Variants in BRCA2 observed in about 807,000 individuals in gnomAD.
BRCA2 encodes the protein breast cancer type 2 susceptibility protein.
A neutral mutation model predicts 276.7 loss-of-function variants in BRCA2; 203 were observed. The observed-to-expected ratio is 0.73, with a 90% CI of 0.65 to 0.82. The LOEUF (loss-of-function observed/expected upper bound fraction) is 0.82. Among genes scored for constraint, BRCA2 ranks in the 40% least tolerant of loss-of-function variants. BRCA2 has a pLI of 0.00. For synonymous variants in BRCA2, 1,289 were observed against 1,338.4 expected (o/e 0.96, Z 0.81); for missense variants, 3,920 against 3,915.0 (o/e 1.00, Z -0.03).
At chr13:32,328,079 C>G (rs1179728403) in intron 7 of BRCA2, among the ~76,000 whole-genome samples, 3 of 151,874 alleles carry the variant, frequency 2.0e-5, no homozygotes, top group Non-Finnish European at 2.9e-5. Context: ...AATAAACATA[C>G]AAGTTTAAAG....
chr13:32,346,951 T>A, intron 13 of BRCA2, 55 bp downstream of exon 13: 1 of 1,358,566 alleles, frequency 7.4e-7, no homozygotes, highest in Non-Finnish European at 1.0e-6. Context: ...AAAGTCTCGT[T>A]TTTATAAATG....
At position 32,333,076 on chromosome 13, in the gene BRCA2, C is replaced by T. The variant is rs781763239; in HGVS notation, c.1598C>T (p.Thr533Ile). The T allele has an allele frequency of 2.5e-6, 4 of 1,611,584 alleles. No individual in the cohort carries two copies. In the Admixed American group the frequency reaches 5.0e-5, roughly 20 times the overall value. ...HMTDPNFKKE[T>I]EASESGLEIH... ...ACTGATCCAAACTTTAAAAAAGAAA[C>T]TGAAGCCTCTGAAAGTGGACTGGAA... is the stretch of plus-strand genomic sequence containing the variant. Residue 533 changes from threonine to isoleucine, a missense_variant, in exon 10 of 27, where the codon ACT becomes ATT. Physicochemically the swap from Thr to Ile is moderately conservative, Grantham distance 89. Coordinates refer to ENST00000380152, the MANE Select transcript of BRCA2 (RefSeq NM_000059.4).
chr13:32,323,207 C>T (rs1343066565), intron 3 of BRCA2, among the ~76,000 whole-genome samples: 4 of 147,426 alleles, frequency 2.7e-5, no homozygotes, highest in Non-Finnish European at 4.4e-5. Context: ...GGCTGGAGTG[C>T]AGTGGCGTGA....
chr13:32,387,593 G>A (rs1420450321), intron 24 of BRCA2, among the ~76,000 whole-genome samples: 1 of 152,138 alleles, frequency 6.6e-6, no homozygotes, highest in African/African-American at 2.4e-5. Flanking sequence ...TGGATATTAC[G>A]CAGGCCTGCC....
rs1060502415 is a variant in BRCA2 at position 32,363,514 on chromosome 13, C to T, written c.8312C>T (p.Pro2771Leu). The change falls in exon 18 of 27, where the codon CCA (proline) becomes CTA (leucine). Residue 2771 changes from proline (P) to leucine (L), a missense_variant. Transcript: ENST00000380152. Reference protein sequence around the residue: ...SPDACTPLEAPESLMLKISAN... With the variant: ...SPDACTPLEALESLMLKISAN... ...GATGCCTGTACACCTCTTGAAGCCC[C>T]AGAATCTCTTATGTTAAAGGTAAAT... 1 of 1,613,494 alleles carries T rather than the reference C, an allele frequency of 6.2e-7. No individual in the cohort carries two copies. Among genetic ancestry groups the T allele is most frequent in the African/African-American group, 1.3e-5 (1 of 74,900 alleles).
At chr13:32,329,620 A>C (rs2072374546) in intron 8 of BRCA2, 128 bp downstream of exon 8, 1 of 773,114 alleles carries the variant, frequency 1.3e-6, no homozygotes, top group African/African-American at 1.8e-5. Context: ...GAAAGTCTCT[A>C]AACCTGGTCC....
chr13:32,327,687 A>AT (rs1342613726), intron 7 of BRCA2, among the ~76,000 whole-genome samples: 4 of 151,570 alleles, frequency 2.6e-5, no homozygotes, highest in Non-Finnish European at 4.4e-5. Context: ...AAAAAAAAAA[A>AT]TCCTGTTATA....
intron 13 of BRCA2, among the ~76,000 whole-genome samples, chr13:32,348,080 T>C (rs1261814209): frequency 6.6e-6 from 1 of 152,002 alleles, no homozygotes; most frequent in Admixed American, 6.6e-5. Context: ...AACAAGTTGC[T>C]ATAAAAAGCT....
In BRCA2 at chr13:32,380,686, A is replaced by C. The variant is rs11571770; in HGVS notation, c.9256+541A>C. Among the ~76,000 whole-genome samples, 1,093 of 151,536 alleles carry C rather than the reference A, an allele frequency of 7.2e-3. 16 individuals carry two copies. Among genetic ancestry groups the C allele is most frequent in the African/African-American group, 0.025 (1,037 of 41,288 alleles). ...CTCCCGAGTAGCTGGGACTACATAT[A>C]CCCGCCACCGAGCCTGGCCAATTTT... On this transcript the variant is annotated intron_variant, in intron 24 of 26. Coordinates refer to ENST00000380152, the MANE Select transcript of BRCA2 (RefSeq NM_000059.4).
rs756522027 is a variant in BRCA2, at chr13:32,380,039, G to A, written c.9150G>A (p.Gln3050=). The A allele has an allele frequency of 2.5e-6, 4 of 1,614,032 alleles. No homozygotes were observed. The South Asian group carries it at 4.4e-5, about 18-fold the overall frequency. ...ATGAAATTTTATTTCAGATTTACCA[G>A]CCACGGGAGCCCCTTCACTTCAGCA... ...VSDEILFQIY[Q]PREPLHFSKF... is the part of the protein sequence containing the mutation. The change falls in exon 24 of 27, where the codon CAG becomes CAA. Residue 3050 remains glutamine, a synonymous_variant. Transcript: ENST00000380152.
intron 13 of BRCA2, among the ~76,000 whole-genome samples, chr13:32,347,272 C>G (rs1425575889): frequency 6.6e-6 from 1 of 151,638 alleles, no homozygotes; most frequent in Admixed American, 6.6e-5. Flanking sequence ...GTATAATTCC[C>G]AAGGACAATG....
intron 18 of BRCA2, among the ~76,000 whole-genome samples, chr13:32,365,265 G>C (rs1267601487): frequency 6.6e-6 from 1 of 151,724 alleles, no homozygotes; most frequent in Non-Finnish European, 1.5e-5. Context: ...GCCTCCGAGA[G>C]TGCTGGGATT....
In BRCA2 at chr13:32,333,131, C is replaced by T. The variant is rs2137473608; in HGVS notation, c.1653C>T (p.Asp551=). 1 of 1,614,036 alleles carries T rather than the reference C, an allele frequency of 6.2e-7. No individual in the cohort carries two copies. The highest frequency in any genetic ancestry group is 8.5e-7 in the Non-Finnish European group (1 of 1,180,000). ...EIHTVCSQKE[D]SLCPNLIDNG... is the part of the protein sequence containing the mutation. Reference sequence around the variant, plus strand: ...ATACTGTTTGCTCACAGAAGGAGGACTCCTTATGTCCAAATTTAATTGATA... The same window carrying T: ...ATACTGTTTGCTCACAGAAGGAGGATTCCTTATGTCCAAATTTAATTGATA... Residue 551 remains aspartate (D), a synonymous_variant, in exon 10 of 27, where the codon GAC becomes GAT. Coordinates refer to ENST00000380152, the MANE Select transcript of BRCA2 (RefSeq NM_000059.4).
At chr13:32,331,917 G>T (rs1032047691) in intron 9 of BRCA2, among the ~76,000 whole-genome samples, 1 of 152,186 alleles carries the variant, frequency 6.6e-6, no homozygotes, top group African/African-American at 2.4e-5. Flanking sequence ...TAGGGCCACA[G>T]AATTGATTTG....
intron 17 of BRCA2, among the ~76,000 whole-genome samples, 172 bp downstream of exon 17, chr13:32,362,865 A>G (rs187026233): frequency 6.6e-6 from 1 of 152,136 alleles, no homozygotes; most frequent in Admixed American, 6.6e-5. Context: ...GAGATCACAC[A>G]TTCATGCATT....
intron 13 of BRCA2, among the ~76,000 whole-genome samples, chr13:32,351,349 A>G (rs756804715): frequency 1.4e-4 from 21 of 152,060 alleles, no homozygotes; most frequent in Non-Finnish European, 2.9e-4. Context: ...CTGCGGCTTC[A>G]CTCCTGAAGT....
chr13:32,319,387 G>A (rs2072291181), intron 3 of BRCA2, 62 bp downstream of exon 3: 1 of 1,489,738 alleles, frequency 6.7e-7, no homozygotes, highest in South Asian at 1.2e-5. Flanking sequence ...GCAAACCTGT[G>A]TTAAAATCTT....
intron 12 of BRCA2, 32 bp from the exon 13 acceptor site, chr13:32,346,795 C>T (rs1382248840): frequency 6.6e-7 from 1 of 1,526,286 alleles, no homozygotes; most frequent in Non-Finnish European, 9.0e-7. Context: ...TAGATTTTAA[C>T]TAATATGTAA....
chr13:32,368,696 G>A (rs1431135186), intron 18 of BRCA2, among the ~76,000 whole-genome samples: 2 of 151,750 alleles, frequency 1.3e-5, no homozygotes, highest in Non-Finnish European at 2.9e-5. Flanking sequence ...ATCAGTGACT[G>A]TTCTGAGAGC....
Sources: allele counts gnomAD v4.1 joint callset (sites outside exome capture counted in the v4.1 genomes callset), GRCh38; gene constraint gnomAD v4.1.1; transcripts MANE v1.5; gene names NCBI Gene and HGNC (gene_info 2026-07-23, HGNC 2026-07-21).